The following ZNF276 variants were observed in gnomAD, a reference collection of about 807,000 sequenced individuals.
The protein encoded by ZNF276 is centromere protein Z.
A neutral mutation model predicts 63.9 loss-of-function variants in ZNF276; 59 were observed. The observed-to-expected ratio is 0.92, with a 90% CI of 0.75 to 1.15. The LOEUF is 1.15. Ranked by LOEUF, ZNF276 falls within the 50% of genes most tolerant of loss-of-function variation. The pLI is 0.00. For synonymous variants in ZNF276, 496 were observed against 348.4 expected (o/e 1.42, Z -4.72); for missense variants, 1,084 against 843.8 (o/e 1.28, Z -3.53).
rs753502695 is a variant in ZNF276, at chr16:89,723,606, C to T, written c.903C>T (p.Thr301=). ...TGTPVGAETK[T]LPSTDVAQPP... ...CCCCAGTTGGGGCTGAGACCAAGAC[C>T]CTGCCCAGCACGGATGTGGCCCAGC... The change falls in exon 4 of 11, where the codon ACC becomes ACT. Residue 301 remains threonine (T), a synonymous_variant. Coordinates refer to ENST00000443381, the MANE Select transcript of ZNF276 (RefSeq NM_001113525.2). The T allele has an allele frequency of 5.0e-6, 8 of 1,612,802 alleles. No homozygotes were observed. The highest frequency in any genetic ancestry group is 6.8e-6 in the Non-Finnish European group (8 of 1,180,022).
In ZNF276 at chr16:89,740,266, A is replaced by T; in HGVS notation, c.*2020A>T. The T allele has an allele frequency of 8.8e-6, 6 of 678,374 alleles. No homozygotes were observed. Among genetic ancestry groups the T allele is most frequent in the African/African-American group, 3.5e-5 (2 of 56,830 alleles). 42.0% of individuals were successfully genotyped at this position (678,374 alleles called of 1,614,324 possible). A position where few individuals can be genotyped will look rare whatever the true frequency, so the allele number is the denominator to read the frequency against. ...AGGTAATACTGGGCCTCTGGACAGA[A>T]GAGGCTCAGGTAGGAGGCCAGGGAC... On this transcript the variant is annotated 3_prime_UTR_variant, in exon 11 of 11. Coordinates refer to ENST00000443381, the MANE Select transcript of ZNF276 (RefSeq NM_001113525.2).
rs951863002 is a variant in ZNF276 at position 89,738,153 on chromosome 16, C to G, written c.1752C>G (p.Asp584Glu). The change falls in exon 11 of 11, where the codon GAC becomes GAG. Residue 584 changes from aspartate (D) to glutamate (E), a missense_variant. Asp to Glu is a conservative substitution (Grantham distance 45). Coordinates refer to ENST00000443381, the MANE Select transcript of ZNF276 (RefSeq NM_001113525.2). ...TGCACCCGCTGACACAGACCCAGGA[C>G]AAGGCCCTGCCCCTGGAGGCGGAAC... ...SMVHPLTQTQ[D>E]KALPLEAEPP... The G allele has an allele frequency of 1.9e-6, 3 of 1,613,500 alleles. No homozygotes were observed. Among genetic ancestry groups the G allele is most frequent in the Admixed American group, 3.3e-5 (2 of 60,010 alleles).
At chr16:89,736,450 G>A (rs1186490944) in intron 9 of ZNF276, among the ~76,000 whole-genome samples, 2 of 151,282 alleles carry the variant, frequency 1.3e-5, no homozygotes, top group Admixed American at 6.6e-5. Flanking sequence ...TCAGCCTCCC[G>A]AGTAGCTGGG....
At position 89,721,565 on chromosome 16, in the gene ZNF276, G is replaced by C. The variant is rs1344927978; in HGVS notation, c.-76G>C. On this transcript the variant is annotated 5_prime_UTR_variant, in exon 1 of 11. Coordinates refer to ENST00000443381, the MANE Select transcript of ZNF276 (RefSeq NM_001113525.2). ...CCGCCTCGCTTCCAGCGCGCCGAGC[G>C]GAGCCTAACGCCGGGTCCTCTAGGA... 11 of 1,375,016 alleles carry C rather than the reference G, an allele frequency of 8.0e-6. No homozygotes were observed. Among genetic ancestry groups the C allele is most frequent in the Non-Finnish European group, 1.1e-5 (11 of 1,046,296 alleles). 85.2% of individuals were successfully genotyped at this position (1,375,016 alleles called of 1,614,324 possible).
In ZNF276 at chr16:89,723,721, C is replaced by T. The variant is rs1277712720; in HGVS notation, c.1006+12C>T. 1.2e-6 allele frequency: 2 copies of T among 1,602,976 alleles called. No individual in the cohort carries two copies. Among genetic ancestry groups the T allele is most frequent in the Non-Finnish European group, 1.7e-6 (2 of 1,174,488 alleles). On this transcript the variant is annotated intron_variant, in intron 4 of 10. Coordinates refer to ENST00000443381, the MANE Select transcript of ZNF276 (RefSeq NM_001113525.2). ...TTGCAGGGCCCCAGGTAGGAGGCAC[C>T]TCTTGCTGGTGCTAGACCAGGATGT... is the stretch of plus-strand genomic sequence containing the variant.
chr16:89,740,660 G>A lies in ZNF276; in HGVS notation c.*2414G>A, dbSNP rs1382996836. 3.3e-5 allele frequency: 21 copies of A among 630,966 alleles called. No individual in the cohort carries two copies. Among genetic ancestry groups the A allele is most frequent in the Admixed American group, 2.4e-4 (8 of 33,408 alleles). The allele number at this position is 630,966 out of a possible 1,614,324, so 39.1% of individuals were successfully genotyped here. On this transcript the variant is annotated 3_prime_UTR_variant, in exon 11 of 11. Coordinates refer to ENST00000443381, the MANE Select transcript of ZNF276 (RefSeq NM_001113525.2). ...TCAAAAAAAAAAAAAAAAAACCCAC[G>A]GCCTGGGAGTTCTCACTCACACTTC...
chr16:89,724,844 T>G (rs2061420941), intron 4 of ZNF276, among the ~76,000 whole-genome samples: 1 of 151,112 alleles, frequency 6.6e-6, no homozygotes, highest in South Asian at 2.1e-4. Context: ...CTATCTATCT[T>G]CCTACTTCTT....
chr16:89,720,545 G>C (rs539164569), upstream of ZNF276: 1 of 1,174,524 alleles, frequency 8.5e-7, no homozygotes, highest in East Asian at 3.9e-5. Flanking sequence ...AGCGAGCGGA[G>C]TGGAAAGCCA....
chr16:89,720,800 T>A, upstream of ZNF276: 1 of 1,461,320 alleles, frequency 6.8e-7, no homozygotes. Context: ...GATGGCCCCG[T>A]TGGCAAGCTT....
chr16:89,736,714 A>T (rs188093390), intron 9 of ZNF276, among the ~76,000 whole-genome samples: 1 of 144,680 alleles, frequency 6.9e-6, no homozygotes, highest in African/African-American at 2.6e-5. Flanking sequence ...AGGATCACTT[A>T]AGCCTGGGAG....
rs1277341579 is a variant in ZNF276 at position 89,738,832 on chromosome 16, G to A, written c.*586G>A. The A allele has an allele frequency of 8.7e-6, 14 of 1,614,026 alleles. No homozygotes were observed. The highest frequency in any genetic ancestry group is 1.1e-5 in the South Asian group (1 of 91,086). ...AGGCAGGCACATGGCCCAGGCAGCT[G>A]TCAATTCTCATGTCCCCCACATGGC... On this transcript the variant is annotated 3_prime_UTR_variant, in exon 11 of 11. Coordinates refer to ENST00000443381, the MANE Select transcript of ZNF276 (RefSeq NM_001113525.2).
chr16:89,723,555 G>GA lies in ZNF276; in HGVS notation c.853dup (p.Thr285AsnfsTer5). 6.2e-7 allele frequency: 1 copy of GA among 1,612,812 alleles called. No homozygotes were observed. The highest frequency in any genetic ancestry group is 8.5e-7 in the Non-Finnish European group (1 of 1,179,984). ...GGTGGAACCCTGGGGATGCCCCTCA[G>GA]ACCTCCCAGGGTAGAGGGACAGGGA... is the stretch of plus-strand genomic sequence containing the variant. On this transcript the variant is annotated frameshift_variant, in exon 4 of 11. Transcript: ENST00000443381. LOFTEE classifies it high-confidence loss of function.
In ZNF276 at chr16:89,740,841, GAGA is replaced by G. The variant is rs397507553; in HGVS notation, c.*2603_*2605del. 1.0e-4 allele frequency: 164 copies of G among 1,613,544 alleles called. No homozygotes were observed. Among genetic ancestry groups the G allele is most frequent in the Admixed American group, 1.8e-4 (11 of 59,956 alleles). On this transcript the variant is annotated 3_prime_UTR_variant, in exon 11 of 11. Transcript: ENST00000443381. ...ATGTGACGACAGCAGGCCCATCAAG[GAGA>G]AGAAGAAAAGGAAAACCAATAGCTG...
intron 4 of ZNF276, among the ~76,000 whole-genome samples, chr16:89,724,324 C>A (rs761711780): frequency 4.6e-5 from 7 of 152,206 alleles, no homozygotes; most frequent in Non-Finnish European, 1.0e-4. Context: ...GTGCACCTGT[C>A]CCCACCTGAG....
chr16:89,738,206 T>G lies in ZNF276; in HGVS notation c.1805T>G (p.Val602Gly). ...EPPPGPPSPS[V>G]TTEGQAVKPE... ...CCACCTGGGCCACCGAGCCCCTCTG[T>G]GACCACAGAGGGCCAGGCGGTGAAG... The change falls in exon 11 of 11, where the codon GTG becomes GGG. Residue 602 changes from valine (V) to glycine (G), a missense_variant. Coordinates refer to ENST00000443381, the MANE Select transcript of ZNF276 (RefSeq NM_001113525.2). 2 of 1,611,222 alleles carry G rather than the reference T, an allele frequency of 1.2e-6. No individual in the cohort carries two copies. Among genetic ancestry groups the G allele is most frequent in the Non-Finnish European group, 1.7e-6 (2 of 1,179,138 alleles).
Position 89,738,071 on chromosome 16 carries a change from A to C in ZNF276, c.1670A>C (p.Asp557Ala), listed in dbSNP as rs1353051156. The change falls in exon 11 of 11, where the codon GAC becomes GCC. Residue 557 changes from aspartate (D) to alanine (A), a missense_variant. Transcript: ENST00000443381. ...GAGACTGAGCTGGACTTTGCCTGTG[A>C]CCAGTGTGGCCGGCGGTTTGAGAAG... ...KAETELDFAC[D>A]QCGRRFEKAH... The C allele has an allele frequency of 6.2e-7, 1 of 1,614,038 alleles. No homozygotes were observed. Among genetic ancestry groups the C allele is most frequent in the Admixed American group, 1.7e-5 (1 of 60,016 alleles).
At chr16:89,734,063 A>C (rs202129555) in intron 9 of ZNF276, 25 bp downstream of exon 9, 1 of 1,601,142 alleles carries the variant, frequency 6.2e-7, no homozygotes, top group East Asian at 2.2e-5. Context: ...AGTGTCGCCC[A>C]CGCGGGTGAC....
intron 9 of ZNF276, among the ~76,000 whole-genome samples, chr16:89,735,160 C>T (rs924564116): frequency 3.9e-5 from 6 of 151,930 alleles, no homozygotes; most frequent in African/African-American, 1.5e-4. Context: ...ACCACGTGGA[C>T]CCACATATCC....
rs957181637 is a variant in ZNF276 at position 89,728,233 on chromosome 16, C to CTT, written c.1085+885_1085+886dup. On this transcript the variant is annotated intron_variant, in intron 5 of 10. Coordinates refer to ENST00000443381, the MANE Select transcript of ZNF276 (RefSeq NM_001113525.2). Reference sequence around the variant, plus strand: ...TTTTTTTTTTTTTTCCTTTTGTGAACTTTTTTTTTTAGACCGAGCCTTACT... The same window carrying CTT: ...TTTTTTTTTTTTTTCCTTTTGTGAACTTTTTTTTTTTTAGACCGAGCCTTACT... 2.7e-5 allele frequency among the ~76,000 whole-genome samples: 3 copies of CTT among 109,924 alleles called. No individual in the cohort carries two copies. In the East Asian group the frequency reaches 7.5e-4, roughly 27 times the overall value. 72.1% of individuals were successfully genotyped at this position (109,924 alleles called of 152,430 possible). A position where few individuals can be genotyped will look rare whatever the true frequency, so the allele number is the denominator to read the frequency against.
Sources: gnomAD v4.1 joint callset for allele counts (sites outside exome capture counted in the v4.1 genomes callset) on GRCh38, gnomAD v4.1.1 for gene constraint, MANE v1.5 for transcripts, NCBI Gene and HGNC (gene_info 2026-07-23, HGNC 2026-07-21) for gene names.